UGT1A8: variants seen among roughly 807,000 people sequenced by gnomAD.
The protein encoded by UGT1A8 is UDP-glucuronosyltransferase 1A8.
Under a neutral mutation model 45.3 loss-of-function variants are expected in UGT1A8, and 39 were observed. That is an observed-to-expected ratio of 0.86 (90% CI 0.67 to 1.12). The LOEUF (loss-of-function observed/expected upper bound fraction) is 1.12, where lower values mean the gene tolerates loss of function less well. Among genes scored for constraint, UGT1A8 ranks in the 50% most tolerant of loss-of-function variants. The pLI, the probability that UGT1A8 is intolerant of heterozygous loss-of-function variation, is 0.00. For synonymous variants in UGT1A8, 275 were observed against 249.2 expected (o/e 1.10, Z -0.97); for missense variants, 719 against 664.9 (o/e 1.08, Z -0.90).
In UGT1A8 at chr2:233,649,656, C is replaced by T. The variant is rs181100489; in HGVS notation, c.855+31094C>T. Among the ~76,000 whole-genome samples, 148 of 152,256 alleles carry T rather than the reference C, an allele frequency of 9.7e-4. 1 individual carries two copies. Among genetic ancestry groups the T allele is most frequent in the Middle Eastern group, 3.4e-3 (1 of 294 alleles). ...TTTAATAATTGCATAAAAGTCTTTACTTTGGATGCAACATAGACACAAGCT... is the reference window on the plus strand; with the variant it reads ...TTTAATAATTGCATAAAAGTCTTTATTTTGGATGCAACATAGACACAAGCT... On this transcript the variant is annotated intron_variant, in intron 1 of 4. Transcript: ENST00000373450.
Position 233,747,571 on chromosome 2 carries a change from C to A in UGT1A8, c.856-19463C>A, listed in dbSNP as rs1265322590. The A allele has an allele frequency of 7.6e-6, 12 of 1,588,364 alleles. No individual in the cohort carries two copies. In the African/African-American group the frequency reaches 1.4e-4, roughly 18 times the overall value. ...AAAAGTATGGCAATTTTGAAAAATT[C>A]ATCTTTGGTCTTTCATAGGTCTTGT... On this transcript the variant is annotated intron_variant, in intron 1 of 4. Coordinates refer to ENST00000373450, the MANE Select transcript of UGT1A8 (RefSeq NM_019076.5).
intron 1 of UGT1A8, among the ~76,000 whole-genome samples, chr2:233,667,259 C>T (rs957300648): frequency 6.6e-6 from 1 of 152,084 alleles, no homozygotes; most frequent in Non-Finnish European, 1.5e-5. Flanking sequence ...AGTTTACAGT[C>T]CCACAAAAAC....
intron 1 of UGT1A8, among the ~76,000 whole-genome samples, chr2:233,725,079 C>G (rs370992455): frequency 6.2e-5 from 9 of 144,294 alleles, no homozygotes; most frequent in East Asian, 2.1e-4. Flanking sequence ...CGCAGGCACT[C>G]GGCAGGCTGA....
intron 1 of UGT1A8, among the ~76,000 whole-genome samples, chr2:233,655,806 C>A (rs17864680): frequency 6.6e-6 from 1 of 152,168 alleles, no homozygotes; most frequent in African/African-American, 2.4e-5. Context: ...TGAGCCCCAG[C>A]CATTCTCTTA....
At chr2:233,656,543 C>G (rs1470431661) in intron 1 of UGT1A8, among the ~76,000 whole-genome samples, 1 of 152,208 alleles carries the variant, frequency 6.6e-6, no homozygotes, top group Non-Finnish European at 1.5e-5. Context: ...ATAGTTTATT[C>G]TTTAAGTGTA....
chr2:233,679,502 G>A (rs187149830), intron 1 of UGT1A8, among the ~76,000 whole-genome samples: 14 of 152,174 alleles, frequency 9.2e-5, no homozygotes, highest in Admixed American at 6.5e-4. Context: ...TTACATTCTG[G>A]TGCTTGGTTT....
chr2:233,657,284 C>G (rs1464308978), intron 1 of UGT1A8, among the ~76,000 whole-genome samples: 1 of 151,832 alleles, frequency 6.6e-6, no homozygotes, highest in African/African-American at 2.4e-5. Flanking sequence ...TAAAGGAATA[C>G]CTGGGGCTGG....
intron 1 of UGT1A8, among the ~76,000 whole-genome samples, chr2:233,645,277 G>C (rs1447137710): frequency 6.6e-6 from 1 of 152,158 alleles, no homozygotes; most frequent in Non-Finnish European, 1.5e-5. Context: ...TCCCACAACA[G>C]TGGGAATTGT....
At chr2:233,641,768 C>T (rs1019778725) in intron 1 of UGT1A8, among the ~76,000 whole-genome samples, 1 of 152,158 alleles carries the variant, frequency 6.6e-6, no homozygotes, top group Non-Finnish European at 1.5e-5. Context: ...GATATTTTCA[C>T]CAGATATACT....
intron 1 of UGT1A8, among the ~76,000 whole-genome samples, chr2:233,651,617 T>C (rs1559325465): frequency 1.3e-5 from 2 of 152,194 alleles, no homozygotes. Flanking sequence ...AAAAGTGAAC[T>C]GTCATTGAAA....
At chr2:233,760,803 GC>G (rs773292758) in intron 1 of UGT1A8, 1 of 1,613,342 alleles carries the variant, frequency 6.2e-7, no homozygotes, top group South Asian at 1.1e-5. Flanking sequence ...TATTCTTCTT[GC>G]ATGCACTGCC....
intron 1 of UGT1A8, among the ~76,000 whole-genome samples, chr2:233,627,579 A>G (rs1559313989): frequency 6.6e-6 from 1 of 151,930 alleles, no homozygotes; most frequent in Non-Finnish European, 1.5e-5. Context: ...TCCTGCTGGC[A>G]TAGCTGCAGC....
chr2:233,747,661 T>C lies in UGT1A8; in HGVS notation c.856-19373T>C, dbSNP rs1219859537. ...AATGCTACTTCCTTCGATGTGGTTT[T>C]AATAGACCCAATTTACCTCTGTGGG... On this transcript the variant is annotated intron_variant, in intron 1 of 4. Coordinates refer to ENST00000373450, the MANE Select transcript of UGT1A8 (RefSeq NM_019076.5). 26 of 1,599,782 alleles carry C rather than the reference T, an allele frequency of 1.6e-5. No individual in the cohort carries two copies. The East Asian group carries it at 5.8e-4, about 36-fold the overall frequency.
At position 233,617,861 on chromosome 2, in the gene UGT1A8, G is replaced by T; in HGVS notation, c.154G>T (p.Gly52Trp). The T allele has an allele frequency of 6.2e-7, 1 of 1,614,078 alleles. No individual in the cohort carries two copies. The change falls in exon 1 of 5, where the codon GGG becomes TGG. Residue 52 changes from glycine (G) to tryptophan (W), a missense_variant. Gly to Trp is a radical substitution (Grantham distance 184, BLOSUM62 -2). Transcript: ENST00000373450. ...GGTGGTGGAGAAACTTATCCTCAGG[G>T]GGCATGAGGTGGTTGTAGTCATGCC... ...QSVVEKLILRGHEVVVVMPEV... is the reference protein window; with the variant it reads ...QSVVEKLILRWHEVVVVMPEV...
chr2:233,647,158 G>A (rs918206406), intron 1 of UGT1A8, among the ~76,000 whole-genome samples: 3 of 152,098 alleles, frequency 2.0e-5, no homozygotes, highest in Non-Finnish European at 4.4e-5. Flanking sequence ...AACATCACGG[G>A]AAACGCCCAG....
intron 1 of UGT1A8, among the ~76,000 whole-genome samples, chr2:233,669,977 G>A (rs1013324068): frequency 2.0e-5 from 3 of 151,938 alleles, no homozygotes; most frequent in Admixed American, 6.6e-5. Context: ...GAGCCACCAC[G>A]CCCAGCACAC....
intron 1 of UGT1A8, chr2:233,717,918 A>C (rs2076615839): frequency 2.2e-6 from 1 of 454,686 alleles, no homozygotes; most frequent in Non-Finnish European, 4.4e-6. Flanking sequence ...GGCCTGGATG[A>C]ATGGATACTT....
intron 1 of UGT1A8, among the ~76,000 whole-genome samples, chr2:233,696,822 T>C (rs527873839): frequency 1.6e-4 from 24 of 152,304 alleles, no homozygotes; most frequent in African/African-American, 5.8e-4. Context: ...TTATTGAGAG[T>C]GTGTATCATA....
intron 1 of UGT1A8, chr2:233,636,988 A>G (rs181093387): frequency 1.2e-6 from 2 of 1,614,144 alleles, no homozygotes; most frequent in Non-Finnish European, 8.5e-7. Context: ...CTGTGGCTTA[A>G]TTGTTGCTAA....
Sources: gnomAD v4.1 joint callset for allele counts (sites outside exome capture counted in the v4.1 genomes callset) on GRCh38, gnomAD v4.1.1 for gene constraint, MANE v1.5 for transcripts, NCBI Gene and HGNC (gene_info 2026-07-23, HGNC 2026-07-21) for gene names.